The following TSSK3 variants were observed in gnomAD, a reference collection of about 807,000 sequenced individuals.
TSSK3 encodes testis specific serine kinase 3.
In TSSK3, 16 loss-of-function variants were observed where a neutral mutation model predicts 18.9. The ratio of observed to expected loss-of-function variants is 0.85; its 90% CI spans 0.57 to 1.28. The LOEUF (loss-of-function observed/expected upper bound fraction) is 1.28. Ranked by LOEUF, TSSK3 falls within the 50% of genes most tolerant of loss-of-function variation. The pLI is 0.00. For synonymous variants in TSSK3, 146 were observed against 133.9 expected, an observed-to-expected ratio of 1.09 and a Z score of -0.62; for missense variants, 345 against 341.0, an observed-to-expected ratio of 1.01 and a Z score of -0.09.
chr1:32,363,995 G>T lies in TSSK3; in HGVS notation c.546G>T (p.Gln182His), dbSNP rs959032420. 2 of 1,614,284 alleles carry T rather than the reference G, an allele frequency of 1.2e-6. No individual in the cohort carries two copies. Among genetic ancestry groups the T allele is most frequent in the East Asian group, 4.5e-5 (2 of 44,892 alleles). Residue 182 changes from glutamine (Q) to histidine (H), a missense_variant, in exon 2 of 2, where the codon CAG (glutamine) becomes CAT (histidine). By Grantham distance (24) the Gln-to-His change is conservative. Coordinates refer to ENST00000373534, the MANE Select transcript of TSSK3 (RefSeq NM_052841.4). ...CCTATGCTGCCCCCGAGGTGCTGCA[G>T]GGCATTCCCCACGATAGCAAAAAAG... ...STAYAAPEVLQGIPHDSKKGD... is the reference protein window; with the variant it reads ...STAYAAPEVLHGIPHDSKKGD...
chr1:32,362,564 G>A lies in TSSK3; in HGVS notation c.-138G>A. 3 of 1,012,630 alleles carry A rather than the reference G, an allele frequency of 3.0e-6. No homozygotes were observed. The highest frequency in any genetic ancestry group is 2.9e-6 in the Non-Finnish European group (2 of 682,670). The allele number at this position is 1,012,630 out of a possible 1,614,324, so 62.7% of individuals were successfully genotyped here. A position where few individuals can be genotyped will look rare whatever the true frequency, so the allele number is the denominator to read the frequency against. Reference sequence around the variant, plus strand: ...CCACCCGCCGCTGTGTCCAGACAGAGAATGTTCTAACGCTGGGGGCGGCTG... The same window carrying A: ...CCACCCGCCGCTGTGTCCAGACAGAAAATGTTCTAACGCTGGGGGCGGCTG... On this transcript the variant is annotated 5_prime_UTR_variant, in exon 1 of 2. Transcript: ENST00000373534.
chr1:32,362,717 C>T lies in TSSK3; in HGVS notation c.16C>T (p.Leu6Phe). MEDFLLSNGYQLGKTI... is the reference protein window; with the variant it reads MEDFLFSNGYQLGKTI... ...GCTAGACAGCATGGAGGACTTTCTG[C>T]TCTCCAATGGGTACCAGCTGGGCAA... is the stretch of plus-strand genomic sequence containing the variant. The change falls in exon 1 of 2, where the codon CTC becomes TTC. Residue 6 changes from leucine to phenylalanine, a missense_variant. Leu to Phe is a conservative substitution (Grantham distance 22). Coordinates refer to ENST00000373534, the MANE Select transcript of TSSK3 (RefSeq NM_052841.4). The T allele has an allele frequency of 6.2e-7, 1 of 1,614,172 alleles. No individual in the cohort carries two copies. Among genetic ancestry groups the T allele is most frequent in the Non-Finnish European group, 8.5e-7 (1 of 1,180,020 alleles).
rs1227690242 is a variant in TSSK3 at position 32,363,684 on chromosome 1, T to C, written c.235T>C (p.Ser79Pro). 6.2e-7 allele frequency: 1 copy of C among 1,613,848 alleles called. No individual in the cohort carries two copies. Among genetic ancestry groups the C allele is most frequent in the Non-Finnish European group, 8.5e-7 (1 of 1,179,966 alleles). Residue 79 changes from serine (S) to proline (P), a missense_variant, in exon 2 of 2, where the codon TCT becomes CCT. By Grantham distance (74) the Ser-to-Pro change is moderately conservative (BLOSUM62 -1). Coordinates refer to ENST00000373534, the MANE Select transcript of TSSK3 (RefSeq NM_052841.4). ...CATCCAGGTGTATGAGATGCTGGAG[T>C]CTGCCGACGGGAAAATCTGCCTGGT... ...NIIQVYEMLESADGKICLVME... is the reference protein window; with the variant it reads ...NIIQVYEMLEPADGKICLVME...
chr1:32,363,058 A>C, intron 1 of TSSK3: 1 of 571,958 alleles, frequency 1.7e-6, no homozygotes, highest in Non-Finnish European at 3.1e-6. Flanking sequence ...GCAAGATGAA[A>C]GTGGCATGAG....
rs749924600 is a variant in TSSK3 at position 32,363,939 on chromosome 1, G to A, written c.490G>A (p.Glu164Lys). Residue 164 changes from glutamate to lysine, a missense_variant, in exon 2 of 2, where the codon GAG (glutamate) becomes AAG (lysine). Coordinates refer to ENST00000373534, the MANE Select transcript of TSSK3 (RefSeq NM_052841.4). ...FAKVLPKSHR[E>K]LSQTFCGSTA... ...CAAGGTGTTGCCCAAGTCACACCGG[G>A]AGCTGAGCCAGACCTTCTGCGGCAG... is the stretch of plus-strand genomic sequence containing the variant. 1 of 1,614,234 alleles carries A rather than the reference G, an allele frequency of 6.2e-7. No homozygotes were observed. Among genetic ancestry groups the A allele is most frequent in the East Asian group, 2.2e-5 (1 of 44,888 alleles).
chr1:32,362,972 C>T (rs1641734469), intron 1 of TSSK3, 126 bp downstream of exon 1: 6 of 1,155,758 alleles, frequency 5.2e-6, no homozygotes, highest in South Asian at 1.4e-5. Flanking sequence ...CAAGCAAGCC[C>T]GATGGCAGCT....
At chr1:32,362,900 G>C in intron 1 of TSSK3, 54 bp downstream of exon 1, 1 of 1,595,128 alleles carries the variant, frequency 6.3e-7, no homozygotes, top group East Asian at 2.2e-5. Flanking sequence ...AGGTGGGTGG[G>C]TGCTTCCTCC....
At chr1:32,363,081 C>G (rs566695654) in intron 1 of TSSK3, 7 of 513,588 alleles carry the variant, frequency 1.4e-5, no homozygotes, top group African/African-American at 5.7e-5. Flanking sequence ...GAAGGATCCT[C>G]AGAGGCAAAA....
chr1:32,364,226 T>TA lies in TSSK3; in HGVS notation c.778dup (p.Ser260LysfsTer20). 2.5e-6 allele frequency: 4 copies of TA among 1,603,044 alleles called. No individual in the cohort carries two copies. Among genetic ancestry groups the TA allele is most frequent in the Non-Finnish European group, 3.4e-6 (4 of 1,171,074 alleles). On this transcript the variant is annotated frameshift_variant, in exon 2 of 2. Transcript: ENST00000373534. LOFTEE classifies it high-confidence loss of function. The stretch of plus-strand genomic sequence containing the variant: ...TCCTCCGGCCTTCAATTGAAGAAGT[T>TA]AGTTGGCATCCATGGCTAGCAAGCA...
intron 1 of TSSK3, 154 bp downstream of exon 1, chr1:32,363,000 G>A: frequency 2.5e-6 from 2 of 801,398 alleles, no homozygotes; most frequent in Non-Finnish European, 4.1e-6. Flanking sequence ...GGGTCAGTGG[G>A]GAACAGAGGG....
chr1:32,362,665 G>T lies in TSSK3; in HGVS notation c.-37G>T. On this transcript the variant is annotated 5_prime_UTR_variant, in exon 1 of 2. An upstream start codon of the reference 5' UTR is lost. Transcript: ENST00000373534. ...TAGAGCTGCCTCTCAGAGGCAGCAT[G>T]AGCTGAGAGGGTGATAGGAAGGCGG... is the stretch of plus-strand genomic sequence containing the variant. 1.2e-6 allele frequency: 2 copies of T among 1,611,144 alleles called. No homozygotes were observed. Among genetic ancestry groups the T allele is most frequent in the South Asian group, 1.1e-5 (1 of 90,978 alleles).
chr1:32,362,878 G>A, intron 1 of TSSK3, 32 bp downstream of exon 1: 1 of 1,611,354 alleles, frequency 6.2e-7, no homozygotes, highest in Non-Finnish European at 8.5e-7. Context: ...GGGAAGGAGG[G>A]AGGACTGGCT....
rs773072632 is a variant in TSSK3 at position 32,362,849 on chromosome 1, G to A, written c.145+3G>A. 1.2e-6 allele frequency: 2 copies of A among 1,613,972 alleles called. No individual in the cohort carries two copies. Among genetic ancestry groups the A allele is most frequent in the African/African-American group, 1.3e-5 (1 of 74,936 alleles). ...AGACAAGATGGGAGGGCCAGAAGGT[G>A]AGCCGGGGCCCCTTTGGAGGGAAGG... On this transcript the variant is annotated splice_donor_region_variant and intron_variant, in intron 1 of 1. Transcript: ENST00000373534.
In TSSK3 at chr1:32,363,635, C is replaced by T. The variant is rs765433939; in HGVS notation, c.186C>T (p.Val62=). 110 of 1,614,052 alleles carry T rather than the reference C, an allele frequency of 6.8e-5. No individual in the cohort carries two copies. Among genetic ancestry groups the T allele is most frequent in the Non-Finnish European group, 8.6e-5 (102 of 1,180,032 alleles). ...TCCTCCCTCGGGAGCTCCAAATCGTCCGTACCCTGGACCACAAGAACATCA... is the reference window on the plus strand; with the variant it reads ...TCCTCCCTCGGGAGCTCCAAATCGTTCGTACCCTGGACCACAAGAACATCA... The part of the protein sequence containing the change: ...QRFLPRELQI[V]RTLDHKNIIQ... Residue 62 remains valine (V), a synonymous_variant, in exon 2 of 2, where the codon GTC becomes GTT. Coordinates refer to ENST00000373534, the MANE Select transcript of TSSK3 (RefSeq NM_052841.4).
At chr1:32,363,331 C>T (rs572657714) in intron 1 of TSSK3, 1 of 480,196 alleles carries the variant, frequency 2.1e-6, no homozygotes, top group East Asian at 3.5e-5. Flanking sequence ...CCCTAAAGCA[C>T]CTTGATATCC....
At chr1:32,362,923 C>T (rs370760189) in intron 1 of TSSK3, 77 bp downstream of exon 1, 7 of 1,503,318 alleles carry the variant, frequency 4.7e-6, no homozygotes, top group African/African-American at 2.7e-5. Context: ...TTTGTTAGAA[C>T]GATCATTCGA....
At position 32,362,611 on chromosome 1, in the gene TSSK3, A is replaced by C; in HGVS notation, c.-91A>C. On this transcript the variant is annotated 5_prime_UTR_variant, in exon 1 of 2. Coordinates refer to ENST00000373534, the MANE Select transcript of TSSK3 (RefSeq NM_052841.4). ...GCTGCGGATGAAGTCCTTGGGGAGA[A>C]AAGGAGCAGGCCAAGGGCGATGGTG... is the stretch of plus-strand genomic sequence containing the variant. The C allele has an allele frequency of 6.7e-7, 1 of 1,485,388 alleles. No homozygotes were observed. The highest frequency in any genetic ancestry group is 9.2e-7 in the Non-Finnish European group (1 of 1,090,866). 92.0% of individuals were successfully genotyped at this position (1,485,388 alleles called of 1,614,324 possible).
In TSSK3 at chr1:32,362,581, G is replaced by C; in HGVS notation, c.-121G>C. 8.5e-7 allele frequency: 1 copy of C among 1,180,974 alleles called. No homozygotes were observed. Among genetic ancestry groups the C allele is most frequent in the Non-Finnish European group, 1.2e-6 (1 of 827,150 alleles). The allele number at this position is 1,180,974 out of a possible 1,614,324, so 73.2% of individuals were successfully genotyped here. A position where few individuals can be genotyped will look rare whatever the true frequency, so the allele number is the denominator to read the frequency against. On this transcript the variant is annotated 5_prime_UTR_variant, in exon 1 of 2. Transcript: ENST00000373534. Reference sequence around the variant, plus strand: ...CAGACAGAGAATGTTCTAACGCTGGGGGCGGCTGCGGATGAAGTCCTTGGG... The same window carrying C: ...CAGACAGAGAATGTTCTAACGCTGGCGGCGGCTGCGGATGAAGTCCTTGGG...
At chr1:32,363,571 T>C (rs1351139269) in intron 1 of TSSK3, 24 bp from the exon 2 acceptor site, 1 of 1,588,402 alleles carries the variant, frequency 6.3e-7, no homozygotes, top group Non-Finnish European at 8.6e-7. Flanking sequence ...TGCCAGCCCA[T>C]CTCTCCTCCC....
Sources: allele counts gnomAD v4.1 joint callset, GRCh38; gene constraint gnomAD v4.1.1; transcripts MANE v1.5; gene names NCBI Gene and HGNC (gene_info 2026-07-23, HGNC 2026-07-21).